The following HLCS variants were observed in gnomAD, a reference collection of about 807,000 sequenced individuals.
HLCS encodes the protein biotin--protein ligase.
Under a neutral mutation model 75.0 loss-of-function variants are expected in HLCS, and 53 were observed. The ratio of observed to expected loss-of-function variants is 0.71; its 90% CI spans 0.57 to 0.89. The LOEUF is 0.89. Ranked by LOEUF, HLCS falls within the 40% of genes least tolerant of loss-of-function variation. HLCS has a pLI of 0.00. For missense variants in HLCS, 966 were observed against 1,074.0 expected (o/e 0.90, Z 1.41); for synonymous variants, 431 against 428.6 (o/e 1.01, Z -0.07).
rs187527287 is a variant in HLCS, at chr21:36,872,829, T to C, written c.1892+24031A>G. Reference sequence around the variant, plus strand: ...CTGCATAGACATGTATTTTTGTTTATCTTGGGTAAATATCTAGGGATGGGG... The same window carrying C: ...CTGCATAGACATGTATTTTTGTTTACCTTGGGTAAATATCTAGGGATGGGG... On this transcript the variant is annotated intron_variant, in intron 6 of 10. Transcript: ENST00000674895. Among the ~76,000 whole-genome samples, 58 of 152,344 alleles carry C rather than the reference T, an allele frequency of 3.8e-4. No individual in the cohort carries two copies. The East Asian group carries it at 0.01, about 26-fold the overall frequency.
chr21:36,765,254 T>G (rs2089993401), intron 7 of HLCS, 82 bp from the exon 8 acceptor site: 1 of 1,264,736 alleles, frequency 7.9e-7, no homozygotes, highest in African/African-American at 1.5e-5. Flanking sequence ...GGCCACACAC[T>G]CAAATAAATC....
At chr21:36,957,128 T>C (rs907197166) in intron 2 of HLCS, among the ~76,000 whole-genome samples, 1 of 151,404 alleles carries the variant, frequency 6.6e-6, no homozygotes, top group Non-Finnish European at 1.5e-5. Context: ...AAATCTCACG[T>C]TGAAATGTAA....
At position 36,793,402 on chromosome 21, in the gene HLCS, A is replaced by G. The variant is rs531202927; in HGVS notation, c.1893-26117T>C. The stretch of plus-strand genomic sequence containing the variant: ...CCTCTGCCTCCTGGGCCCCAGTTCA[A>G]GCAATTCTCCTTCCTCAGCCTCCCA... On this transcript the variant is annotated intron_variant, in intron 6 of 10. Transcript: ENST00000674895. Among the ~76,000 whole-genome samples the G allele has an allele frequency of 1.2e-3, 183 of 150,798 alleles. 2 individuals carry two copies. The highest frequency in any genetic ancestry group is 4.2e-3 in the African/African-American group (171 of 40,994).
intron 6 of HLCS, among the ~76,000 whole-genome samples, chr21:36,794,085 G>A (rs1445408196): frequency 6.6e-6 from 1 of 152,174 alleles, no homozygotes; most frequent in Non-Finnish European, 1.5e-5. Context: ...CCTCCCTGCC[G>A]CAACTTTTCC....
At chr21:36,926,331 C>T (rs1472675841) in intron 5 of HLCS, among the ~76,000 whole-genome samples, 1 of 152,214 alleles carries the variant, frequency 6.6e-6, no homozygotes, top group African/African-American at 2.4e-5. Context: ...CTGGAAGTCA[C>T]AGCTGCCACA....
intron 1 of HLCS, among the ~76,000 whole-genome samples, chr21:36,965,433 T>C (rs987629691): frequency 6.6e-6 from 1 of 152,186 alleles, no homozygotes; most frequent in African/African-American, 2.4e-5. Flanking sequence ...GAAAGATCTA[T>C]TGTTCCCTTT....
intron 6 of HLCS, among the ~76,000 whole-genome samples, chr21:36,827,225 G>A (rs2062035260): frequency 6.6e-6 from 1 of 152,084 alleles, no homozygotes; most frequent in Admixed American, 6.5e-5. Flanking sequence ...AAGGACTGAA[G>A]GCCATTAGAT....
At chr21:36,853,424 A>G (rs2063080927) in intron 6 of HLCS, among the ~76,000 whole-genome samples, 1 of 152,228 alleles carries the variant, frequency 6.6e-6, no homozygotes, top group Non-Finnish European at 1.5e-5. Context: ...CAAAATTCTG[A>G]TGACAGCAAA....
At chr21:36,912,760 C>A (rs772901895) in intron 5 of HLCS, among the ~76,000 whole-genome samples, 2 of 151,724 alleles carry the variant, frequency 1.3e-5, no homozygotes, top group Non-Finnish European at 2.9e-5. Context: ...AATTAGCCAC[C>A]CCCCCCAACC....
chr21:36,918,603 A>G (rs993074183), intron 5 of HLCS, among the ~76,000 whole-genome samples: 4 of 152,240 alleles, frequency 2.6e-5, no homozygotes, highest in African/African-American at 9.6e-5. Flanking sequence ...CGTCCCTGCT[A>G]AAGAGACCCA....
At chr21:36,875,124 CTGTGGGTGCCCCT>C (rs1267509939) in intron 6 of HLCS, among the ~76,000 whole-genome samples, 1 of 152,206 alleles carries the variant, frequency 6.6e-6, no homozygotes, top group African/African-American at 2.4e-5. Context: ...TTGTACAGGC[CTGTGGGTGCCCCT>C]CAGCATAGAC....
intron 6 of HLCS, among the ~76,000 whole-genome samples, chr21:36,793,001 C>T (rs34820991): frequency 0.14 from 20,640 of 152,216 alleles, 1,750 homozygotes; most frequent in Non-Finnish European, 0.18. Flanking sequence ...TAGTCACATG[C>T]TCAGCATCCT....
chr21:36,831,038 C>A (rs2062190622), intron 6 of HLCS, among the ~76,000 whole-genome samples: 1 of 152,108 alleles, frequency 6.6e-6, no homozygotes, highest in South Asian at 2.1e-4. Context: ...TGATAACCAC[C>A]TTTATTTCCT....
At chr21:36,964,749 G>A (rs371101066) in intron 1 of HLCS, among the ~76,000 whole-genome samples, 4 of 152,130 alleles carry the variant, frequency 2.6e-5, no homozygotes, top group African/African-American at 9.7e-5. Flanking sequence ...GAAGGCCAGC[G>A]GAGTCATGAA....
intron 6 of HLCS, among the ~76,000 whole-genome samples, chr21:36,814,809 G>A (rs1406136323): frequency 6.6e-6 from 1 of 152,156 alleles, no homozygotes; most frequent in Non-Finnish European, 1.5e-5. Flanking sequence ...TCCCTCTCCA[G>A]GCAATGCTGA....
chr21:36,982,286 T>G (rs1308359882), intron 1 of HLCS, among the ~76,000 whole-genome samples: 1 of 152,226 alleles, frequency 6.6e-6, no homozygotes, highest in Non-Finnish European at 1.5e-5. Flanking sequence ...GTTTGTTTCC[T>G]CTAACAAATA....
In HLCS at chr21:36,753,680, G is replaced by A. The variant is rs572091999; in HGVS notation, c.*566C>T. On this transcript the variant is annotated 3_prime_UTR_variant, in exon 11 of 11. Coordinates refer to ENST00000674895, the MANE Select transcript of HLCS (RefSeq NM_001352514.2). The surrounding 1 kb of genome is among the most constrained non-coding windows in gnomAD (Gnocchi z 4.3). The stretch of plus-strand genomic sequence containing the variant: ...CTATCTCTACAGGCATTTAGACTTC[G>A]CTATGGGGCCACACCACCGGGTGGA... 5 of 162,804 alleles carry A rather than the reference G, an allele frequency of 3.1e-5. No individual in the cohort carries two copies. Among genetic ancestry groups the A allele is most frequent in the South Asian group, 1.7e-4 (1 of 5,822 alleles). The allele number at this position is 162,804 out of a possible 1,614,324, so 10.1% of individuals were successfully genotyped here. A position where few individuals can be genotyped will look rare whatever the true frequency, so the allele number is the denominator to read the frequency against.
intron 5 of HLCS, among the ~76,000 whole-genome samples, chr21:36,910,607 G>A (rs756189352): frequency 2.6e-5 from 4 of 151,756 alleles, no homozygotes; most frequent in South Asian, 2.1e-4. Context: ...TTCATCTAAG[G>A]CAGGGATTGA....
intron 6 of HLCS, among the ~76,000 whole-genome samples, chr21:36,817,299 G>A (rs115942794): frequency 1.3e-5 from 2 of 152,092 alleles, no homozygotes; most frequent in Non-Finnish European, 2.9e-5. Flanking sequence ...GATTTAATCG[G>A]TTTCTCTGTT....
Sources: gnomAD v4.1 joint callset for allele counts (sites outside exome capture counted in the v4.1 genomes callset) on GRCh38, gnomAD v4.1.1 for gene constraint, Gnocchi (gnomAD v3.1) non-coding constraint, MANE v1.5 for transcripts, NCBI Gene and HGNC (gene_info 2026-07-23, HGNC 2026-07-21) for gene names.